KHDRBS2: variants seen among roughly 807,000 people sequenced by gnomAD.
The protein encoded by KHDRBS2 is KH RNA binding domain containing, signal transduction associated 2.
Under a neutral mutation model 44.3 loss-of-function variants are expected in KHDRBS2, and 26 were observed. The ratio of observed to expected loss-of-function variants is 0.59; its 90% CI spans 0.43 to 0.81. The LOEUF (loss-of-function observed/expected upper bound fraction) is 0.81, where lower values mean the gene tolerates loss of function less well. Among genes scored for constraint, KHDRBS2 ranks in the 40% least tolerant of loss-of-function variants. The pLI, the probability that KHDRBS2 is intolerant of heterozygous loss-of-function variation, is 0.00. For missense variants in KHDRBS2, 476 were observed against 433.1 expected, an observed-to-expected ratio of 1.10 and a Z score of -0.88; for synonymous variants, 194 against 151.1, an observed-to-expected ratio of 1.28 and a Z score of -2.08.
chr6:62,137,690 T>G (rs558179783), intron 2 of KHDRBS2, among the ~76,000 whole-genome samples: 2 of 152,236 alleles, frequency 1.3e-5, no homozygotes, highest in African/African-American at 4.8e-5. Context: ...CTTTTCCAGT[T>G]TTTTTCATAC....
In KHDRBS2 at chr6:62,168,530, G is replaced by A. The variant is rs139216834; in HGVS notation, c.219+8655C>T. On this transcript the variant is annotated intron_variant, in intron 2 of 8. Transcript: ENST00000281156. ...GCCAAGCATTCCTTTTGCATGTCTA[G>A]TAGTAACGAAATATAGCACAGCTTG... Among the ~76,000 whole-genome samples the A allele has an allele frequency of 4.2e-3, 641 of 152,218 alleles. 5 individuals carry two copies. The highest frequency in any genetic ancestry group is 5.2e-3 in the Non-Finnish European group (357 of 68,010).
chr6:61,948,143 C>T (rs1428917956), intron 4 of KHDRBS2, among the ~76,000 whole-genome samples: 1 of 151,900 alleles, frequency 6.6e-6, no homozygotes, highest in East Asian at 1.9e-4. Context: ...GGAAAGAAAC[C>T]ATTCCGAGAA....
the KHDRBS2 span, among the ~76,000 whole-genome samples, chr6:61,664,362 T>C: frequency 6.6e-6 from 1 of 151,730 alleles, no homozygotes; most frequent in African/African-American, 2.4e-5. Flanking sequence ...TTCTAATATA[T>C]CCAAATACTG....
intron 6 of KHDRBS2, among the ~76,000 whole-genome samples, chr6:61,743,721 G>C (rs1376988007): frequency 2.6e-5 from 4 of 151,646 alleles, no homozygotes; most frequent in Admixed American, 1.3e-4. Context: ...ATGTTGGTGT[G>C]CTGCACCCAT....
chr6:61,667,037 A>G, the KHDRBS2 span, among the ~76,000 whole-genome samples: 1 of 146,700 alleles, frequency 6.8e-6, no homozygotes, highest in African/African-American at 2.5e-5. Context: ...GTTGAAAATT[A>G]GAAAACTTCT....
chr6:61,833,655 C>T (rs1040267873), intron 6 of KHDRBS2, among the ~76,000 whole-genome samples: 1 of 152,122 alleles, frequency 6.6e-6, no homozygotes, highest in Non-Finnish European at 1.5e-5. Flanking sequence ...TTAGACAAGA[C>T]AGGCTTTAAT....
chr6:62,194,717 G>A (rs185727767), intron 1 of KHDRBS2, among the ~76,000 whole-genome samples: 1 of 151,454 alleles, frequency 6.6e-6, no homozygotes, highest in East Asian at 2.0e-4. Flanking sequence ...ATGTTGCCCA[G>A]GATGCTCTCA....
intron 1 of KHDRBS2, among the ~76,000 whole-genome samples, chr6:62,256,493 C>A (rs1410788211): frequency 6.6e-6 from 1 of 151,926 alleles, no homozygotes; most frequent in Non-Finnish European, 1.5e-5. Flanking sequence ...AGCTTCCCTG[C>A]ACAAACTCTC....
intron 2 of KHDRBS2, among the ~76,000 whole-genome samples, chr6:62,123,808 A>G (rs1808296941): frequency 2.6e-5 from 4 of 152,150 alleles, no homozygotes; most frequent in Admixed American, 2.6e-4. Context: ...GCAGTCTGGG[A>G]CCTGTGGACA....
At chr6:61,559,364 T>C in the KHDRBS2 span, among the ~76,000 whole-genome samples, 1 of 149,046 alleles carries the variant, frequency 6.7e-6, no homozygotes, top group Admixed American at 6.8e-5. Flanking sequence ...TTTTTTTTTT[T>C]CTATTCAGCC....
At chr6:62,131,977 G>A (rs1810438496) in intron 2 of KHDRBS2, among the ~76,000 whole-genome samples, 1 of 152,062 alleles carries the variant, frequency 6.6e-6, no homozygotes, top group Non-Finnish European at 1.5e-5. Flanking sequence ...TAGACATTCT[G>A]GATAGAAATC....
At chr6:62,273,834 C>T (rs186177079) in intron 1 of KHDRBS2, among the ~76,000 whole-genome samples, 2 of 152,286 alleles carry the variant, frequency 1.3e-5, no homozygotes, top group Admixed American at 6.5e-5. Flanking sequence ...GTAACTGACA[C>T]TGTCATTAAC....
downstream of KHDRBS2, chr6:61,678,893 CCTT>C (rs915910756): frequency 6.6e-6 from 1 of 151,850 alleles, no homozygotes; most frequent in Admixed American, 6.6e-5. Context: ...TTACCTCCAT[CCTT>C]CTTAGCAAAT....
chr6:61,559,581 G>A, the KHDRBS2 span, among the ~76,000 whole-genome samples: 1 of 152,036 alleles, frequency 6.6e-6, no homozygotes, highest in African/African-American at 2.4e-5. Context: ...TTCATTGGAT[G>A]TTTTTTCATT....
At chr6:61,766,177 T>A (rs1779985836) in intron 6 of KHDRBS2, among the ~76,000 whole-genome samples, 1 of 152,002 alleles carries the variant, frequency 6.6e-6, no homozygotes, top group African/African-American at 2.4e-5. Flanking sequence ...TCTGGTCAAA[T>A]TTTAAATTTC....
chr6:62,138,960 C>A (rs1000878283), intron 2 of KHDRBS2, among the ~76,000 whole-genome samples: 3 of 152,104 alleles, frequency 2.0e-5, no homozygotes, highest in African/African-American at 7.2e-5. Context: ...CGGCCATGGG[C>A]AAGTCATAAG....
chr6:62,095,861 A>T (rs1800487887), intron 2 of KHDRBS2, among the ~76,000 whole-genome samples: 1 of 151,866 alleles, frequency 6.6e-6, no homozygotes, highest in Non-Finnish European at 1.5e-5. Context: ...GGTCTATTTT[A>T]TACAGAATTT....
chr6:61,753,378 C>G (rs1778022921), intron 6 of KHDRBS2, among the ~76,000 whole-genome samples: 2 of 152,158 alleles, frequency 1.3e-5, no homozygotes, highest in Non-Finnish European at 2.9e-5. Context: ...CAGGACTTGA[C>G]CGGTGGTGGT....
At chr6:61,617,132 A>T in the KHDRBS2 span, among the ~76,000 whole-genome samples, 1 of 152,186 alleles carries the variant, frequency 6.6e-6, no homozygotes, top group Non-Finnish European at 1.5e-5. Flanking sequence ...GACTATTGGG[A>T]TTTAAAAATA....
Sources: allele counts gnomAD v4.1 joint callset (sites outside exome capture counted in the v4.1 genomes callset), GRCh38; gene constraint gnomAD v4.1.1; transcripts MANE v1.5; gene names NCBI Gene and HGNC (gene_info 2026-07-23, HGNC 2026-07-21).